The following MCF2L2 variants were observed in gnomAD, a reference collection of about 807,000 sequenced individuals.
MCF2L2 encodes the protein MCF.2 cell line derived transforming sequence-like 2, also known as probable guanine nucleotide exchange factor MCF2L2.
A neutral mutation model predicts 150.2 loss-of-function variants in MCF2L2; 102 were observed. The ratio of observed to expected loss-of-function variants is 0.68; its 90% CI spans 0.58 to 0.80. The LOEUF is 0.80. Ranked by LOEUF, MCF2L2 falls within the 30% of genes least tolerant of loss-of-function variation. The probability of loss-of-function intolerance (pLI) is 0.00; values close to 1 mark genes in which losing one functional copy is unlikely to be tolerated. For synonymous variants in MCF2L2, 465 were observed against 491.3 expected (o/e 0.95, Z 0.71); for missense variants, 1,256 against 1,372.8 (o/e 0.91, Z 1.34).
At chr3:183,290,257 G>A (rs1031860463) in intron 13 of MCF2L2, among the ~76,000 whole-genome samples, 1 of 152,010 alleles carries the variant, frequency 6.6e-6, no homozygotes, top group African/African-American at 2.4e-5. Context: ...TTTTCTCTTG[G>A]CCACTCTATC....
intron 14 of MCF2L2, among the ~76,000 whole-genome samples, chr3:183,285,329 A>AATT (rs1199961596): frequency 6.6e-6 from 1 of 152,250 alleles, no homozygotes; most frequent in Admixed American, 6.5e-5. Flanking sequence ...ACAAGAGATT[A>AATT]AATAAGCTGC....
chr3:183,217,542 C>T (rs1024118404), intron 21 of MCF2L2, among the ~76,000 whole-genome samples: 7 of 152,014 alleles, frequency 4.6e-5, no homozygotes, highest in African/African-American at 1.7e-4. Flanking sequence ...AATGTGGAAG[C>T]CTTATTCCTG....
At chr3:183,259,795 A>G (rs1465942698) in intron 15 of MCF2L2, among the ~76,000 whole-genome samples, 1 of 152,198 alleles carries the variant, frequency 6.6e-6, no homozygotes, top group Non-Finnish European at 1.5e-5. Context: ...CAAAGGACAC[A>G]GACTGATGAG....
intron 14 of MCF2L2, 105 bp from the exon 15 acceptor site, chr3:183,277,062 G>T: frequency 1.4e-6 from 1 of 706,116 alleles, no homozygotes; most frequent in Non-Finnish European, 2.4e-6. Flanking sequence ...TGAGTCTCTC[G>T]ATAAGCAAAA....
At chr3:183,401,753 G>A (rs937179357) in intron 1 of MCF2L2, among the ~76,000 whole-genome samples, 1 of 152,196 alleles carries the variant, frequency 6.6e-6, no homozygotes, top group South Asian at 2.1e-4. Context: ...ATCCACAGTA[G>A]GTATCAGTAG....
At chr3:183,274,212 CAA>C (rs141319160) in intron 15 of MCF2L2, among the ~76,000 whole-genome samples, 10 of 126,690 alleles carry the variant, frequency 7.9e-5, no homozygotes, top group African/African-American at 1.1e-4. Context: ...GAGACTGTCT[CAA>C]AAAAAAAAAA....
intron 3 of MCF2L2, among the ~76,000 whole-genome samples, chr3:183,345,890 T>C (rs1392146708): frequency 6.6e-6 from 1 of 152,106 alleles, no homozygotes. Flanking sequence ...AATCCCTGAA[T>C]AGACCAATAA....
intron 15 of MCF2L2, among the ~76,000 whole-genome samples, chr3:183,244,062 T>G (rs1324896589): frequency 1.3e-5 from 2 of 151,892 alleles, no homozygotes; most frequent in African/African-American, 4.8e-5. Context: ...AGGCGGAGCT[T>G]GCAGTGAGCT....
intron 2 of MCF2L2, among the ~76,000 whole-genome samples, chr3:183,383,453 CT>C (rs1713652394): frequency 6.6e-6 from 1 of 152,066 alleles, no homozygotes; most frequent in Non-Finnish European, 1.5e-5. Context: ...AGGCTGGTCT[CT>C]TAACTCCCGA....
chr3:183,368,253 A>G (rs1712655772), intron 3 of MCF2L2, among the ~76,000 whole-genome samples: 1 of 152,198 alleles, frequency 6.6e-6, no homozygotes, highest in Non-Finnish European at 1.5e-5. Flanking sequence ...TTGTGTCTTA[A>G]AAAGTCCTCC....
chr3:183,415,047 G>A (rs912140548), intron 1 of MCF2L2, among the ~76,000 whole-genome samples: 13 of 152,288 alleles, frequency 8.5e-5, no homozygotes, highest in Admixed American at 5.2e-4. Flanking sequence ...TTGTTGAATG[G>A]AGTATTCTGT....
At chr3:183,240,964 T>C (rs1723996398) in intron 15 of MCF2L2, among the ~76,000 whole-genome samples, 1 of 152,260 alleles carries the variant, frequency 6.6e-6, no homozygotes, top group Non-Finnish European at 1.5e-5. Context: ...TGCCCTACTA[T>C]GAGCCTGGCT....
intron 7 of MCF2L2, among the ~76,000 whole-genome samples, chr3:183,314,907 CTTTTT>C (rs869078971): frequency 2.9e-4 from 4 of 13,808 alleles, no homozygotes; most frequent in African/African-American, 7.2e-4. Context: ...TTTTTCTTTT[CTTTTT>C]TTTTTTTTTT....
At position 183,216,073 on chromosome 3, in the gene MCF2L2, C is replaced by G; in HGVS notation, c.2392G>C (p.Asp798His). 6.2e-7 allele frequency: 1 copy of G among 1,613,796 alleles called. No individual in the cohort carries two copies. The highest frequency in any genetic ancestry group is 1.1e-5 in the South Asian group (1 of 91,062). Reference protein sequence around the residue: ...SAKDGPKRTKDSAFSTELQQA... With the variant: ...SAKDGPKRTKHSAFSTELQQA... Reference sequence around the variant, plus strand: ...TGTAGTTCAGTTGAGAATGCTGAATCTTTGGTTCTCTTTGGCCCATCCTGT... The same window carrying G: ...TGTAGTTCAGTTGAGAATGCTGAATGTTTGGTTCTCTTTGGCCCATCCTGT... Residue 798 changes from aspartate to histidine, a missense_variant, in exon 22 of 30, where the codon GAT (aspartate) becomes CAT (histidine). Physicochemically the swap from Asp to His is moderately conservative, Grantham distance 81 (BLOSUM62 -1). Transcript: ENST00000328913.
rs1729259208 is a variant in MCF2L2, at chr3:183,309,434, C to G, written c.1113+282G>C. On this transcript the variant is annotated intron_variant, in intron 10 of 29. Coordinates refer to ENST00000328913, the MANE Select transcript of MCF2L2 (RefSeq NM_015078.4). ...CCTGTTGTGACCTTCTCCCACTTGG[C>G]TGCTGACCACGTGAGAGGGCAGGGC... Among the ~76,000 whole-genome samples, 3 of 152,148 alleles carry G rather than the reference C, an allele frequency of 2.0e-5. No homozygotes were observed. In the South Asian group the frequency reaches 6.2e-4, roughly 32 times the overall value.
chr3:183,230,318 T>G (rs1446976726), intron 16 of MCF2L2, among the ~76,000 whole-genome samples: 2 of 152,184 alleles, frequency 1.3e-5, no homozygotes, highest in Non-Finnish European at 2.9e-5. Flanking sequence ...TTCACCATGT[T>G]GGCCAGGCTG....
intron 1 of MCF2L2, among the ~76,000 whole-genome samples, chr3:183,423,030 A>AT: frequency 6.6e-6 from 1 of 152,172 alleles, no homozygotes; most frequent in Non-Finnish European, 1.5e-5. Flanking sequence ...TTGTCGATCA[A>AT]TTTTTTTAGG....
Position 183,289,123 on chromosome 3 carries a change from G to A in MCF2L2, c.1773C>T (p.Val591=). ...AGTAAAATAAAGGTAATTTTACCTT[G>A]ACTTCAAATTTAGTCTCATCATCTT... is the stretch of plus-strand genomic sequence containing the variant. ...GKEDDETKFE[V]KSEEIFESHH... is the part of the protein sequence containing the mutation. The change falls in exon 14 of 30, where the codon GTC becomes GTT. Residue 591 remains valine, a synonymous_variant. Transcript: ENST00000328913. 2 of 1,606,364 alleles carry A rather than the reference G, an allele frequency of 1.2e-6. No homozygotes were observed. Among genetic ancestry groups the A allele is most frequent in the Non-Finnish European group, 1.7e-6 (2 of 1,173,154 alleles).
intron 5 of MCF2L2, among the ~76,000 whole-genome samples, chr3:183,326,516 ACAAAAAAAAAC>A (rs1730044170): frequency 1.5e-5 from 2 of 134,890 alleles, no homozygotes; most frequent in African/African-American, 5.8e-5. Flanking sequence ...AAAAAAAAAA[ACAAAAAAAAAC>A]CCACAAACCT....
Sources: allele counts gnomAD v4.1 joint callset (sites outside exome capture counted in the v4.1 genomes callset), GRCh38; gene constraint gnomAD v4.1.1; transcripts MANE v1.5; gene names NCBI Gene and HGNC (gene_info 2026-07-23, HGNC 2026-07-21).